UVSSA: variants seen among roughly 807,000 people sequenced by gnomAD.
UVSSA encodes the protein UV stimulated scaffold protein A.
UVSSA carries 72 observed loss-of-function variants against 73.9 expected under a neutral mutation model. That is an observed-to-expected ratio of 0.97 (90% confidence interval 0.81 to 1.19). The LOEUF (loss-of-function observed/expected upper bound fraction) is 1.19. Among genes scored for constraint, UVSSA ranks in the 50% most tolerant of loss-of-function variants. The pLI is 0.00. For missense variants in UVSSA, 1,150 were observed against 965.0 expected, an observed-to-expected ratio of 1.19 and a Z score of -2.54; for synonymous variants, 454 against 391.3, an observed-to-expected ratio of 1.16 and a Z score of -1.89.
exon 14 of UVSSA, chr4:1,394,355 A>T: frequency 1.6e-6 from 2 of 1,282,274 alleles, no homozygotes; most frequent in Admixed American, 2.6e-5. Context: ...CTTAAAGATT[A>T]TATTTGAAAT....
At chr4:1,385,813 G>A in intron 13 of UVSSA, 55 bp from the exon 14 acceptor site, 1 of 1,594,170 alleles carries the variant, frequency 6.3e-7, no homozygotes, top group Non-Finnish European at 8.6e-7. Flanking sequence ...GCCACTGGGA[G>A]CCCAGGCCCC....
chr4:1,352,258 AG>A (rs1714889738), intron 4 of UVSSA, among the ~76,000 whole-genome samples: 1 of 152,094 alleles, frequency 6.6e-6, no homozygotes, highest in Non-Finnish European at 1.5e-5. Context: ...GAGTGTGAGG[AG>A]GGGGTGCCAC....
At chr4:1,384,023 T>A in intron 13 of UVSSA, 83 bp downstream of exon 13, 4 of 1,453,966 alleles carry the variant, frequency 2.8e-6, no homozygotes, top group Non-Finnish European at 3.6e-6. Flanking sequence ...AGCGCCAAGA[T>A]ATTCCAGGGA....
rs567924510 is a variant in UVSSA at position 1,376,096 on chromosome 4, C to T, written c.1496C>T (p.Ala499Val). Residue 499 changes from alanine to valine, a missense_variant, in exon 10 of 14, where the codon GCG (alanine) becomes GTG (valine). By Grantham distance (64) the Ala-to-Val change is moderately conservative. Transcript: ENST00000389851. ...AQKLAAERARAPVVPYGVDLH... is the reference protein window; with the variant it reads ...AQKLAAERARVPVVPYGVDLH... ...AAGCTGGCAGCAGAGCGGGCCCGGG[C>T]GCCTGTGGTGCCCTACGGCGTGGAC... The T allele has an allele frequency of 1.8e-4, 287 of 1,604,402 alleles. 3 individuals are homozygous for T. In the South Asian group the frequency reaches 2.9e-3, roughly 16 times the overall value.
chr4:1,346,908 C>T (rs1713766252), upstream of UVSSA, among the ~76,000 whole-genome samples: 1 of 152,392 alleles, frequency 6.6e-6, no homozygotes, highest in Non-Finnish European at 1.5e-5. Context: ...CCCCGGCAGC[C>T]TGCCTCGCCC....
chr4:1,352,958 AGT>A (rs1469901502), intron 4 of UVSSA, 70 bp from the exon 5 acceptor site: 1 of 1,536,238 alleles, frequency 6.5e-7, no homozygotes, highest in African/African-American at 1.4e-5. Context: ...TGGGCCTCTG[AGT>A]GTGGTTTTGA....
chr4:1,375,592 CT>C, intron 9 of UVSSA, 84 bp downstream of exon 9: 2 of 1,527,810 alleles, frequency 1.3e-6, no homozygotes, highest in Non-Finnish European at 1.8e-6. Context: ...CCTCGAGAGG[CT>C]GCTTAGTGCC....
chr4:1,351,763 G>A lies in UVSSA; in HGVS notation c.478G>A (p.Glu160Lys). Residue 160 changes from glutamate (E) to lysine (K), a missense_variant, in exon 4 of 14, where the codon GAA (glutamate) becomes AAA (lysine). Glu to Lys is a moderately conservative substitution (Grantham distance 56). Coordinates refer to ENST00000389851, the MANE Select transcript of UVSSA (RefSeq NM_020894.4). Reference protein sequence around the residue: ...NARSLAERKREEEKQKHLDKI... With the variant: ...NARSLAERKRKEEKQKHLDKI... ...TCGGAGTCTGGCAGAAAGGAAGAGAGAAGAGGAGAAGCAGAAGCACTTGGA... is the reference window on the plus strand; with the variant it reads ...TCGGAGTCTGGCAGAAAGGAAGAGAAAAGAGGAGAAGCAGAAGCACTTGGA... 6.2e-7 allele frequency: 1 copy of A among 1,613,730 alleles called. No individual in the cohort carries two copies. The highest frequency in any genetic ancestry group is 8.5e-7 in the Non-Finnish European group (1 of 1,179,880).
chr4:1,353,987 C>G (rs990603514), intron 5 of UVSSA, among the ~76,000 whole-genome samples: 3 of 152,252 alleles, frequency 2.0e-5, no homozygotes, highest in African/African-American at 7.2e-5. Flanking sequence ...CTGCTGCCCC[C>G]CTGGGGTGTG....
chr4:1,344,470 G>C (rs1457236193), upstream of UVSSA, among the ~76,000 whole-genome samples: 1 of 152,110 alleles, frequency 6.6e-6, no homozygotes. Flanking sequence ...AGAATCATTT[G>C]AACCTGGGAG....
intron 12 of UVSSA, among the ~76,000 whole-genome samples, chr4:1,381,908 C>G (rs907122465): frequency 1.3e-5 from 2 of 152,152 alleles, no homozygotes; most frequent in Admixed American, 6.5e-5. Flanking sequence ...CCTGCATTCT[C>G]CTGTCTCACC....
chr4:1,344,895 T>C (rs1713562083), upstream of UVSSA, among the ~76,000 whole-genome samples: 1 of 152,070 alleles, frequency 6.6e-6, no homozygotes, highest in Admixed American at 6.5e-5. Flanking sequence ...AGGAACTCTG[T>C]GGATACTGGC....
chr4:1,343,787 C>CA (rs531287406), upstream of UVSSA, among the ~76,000 whole-genome samples: 89 of 144,058 alleles, frequency 6.2e-4, 2 homozygotes, highest in South Asian at 2.4e-3. Context: ...AACTCCGTCT[C>CA]AAAAAAAAAA....
chr4:1,390,594 T>C (rs1291430690), downstream of UVSSA: 2 of 152,264 alleles, frequency 1.3e-5, no homozygotes, highest in African/African-American at 2.4e-5. Flanking sequence ...TGTTACTGAT[T>C]TCTTATTTCA....
intron 11 of UVSSA, 37 bp downstream of exon 11, chr4:1,380,267 C>G: frequency 3.1e-6 from 5 of 1,588,738 alleles, no homozygotes; most frequent in Non-Finnish European, 4.3e-6. Context: ...TGGGTGTGGG[C>G]TGGACCAGGT....
chr4:1,380,807 G>T, intron 11 of UVSSA, 73 bp from the exon 12 acceptor site: 1 of 1,592,676 alleles, frequency 6.3e-7, no homozygotes. Flanking sequence ...TGCCCAAGTC[G>T]TGGTGGTGGG....
intron 7 of UVSSA, among the ~76,000 whole-genome samples, chr4:1,360,863 G>A (rs1306201209): frequency 6.6e-6 from 1 of 152,232 alleles, no homozygotes; most frequent in African/African-American, 2.4e-5. Flanking sequence ...TAAAGTCTGC[G>A]TGACCCCTGG....
upstream of UVSSA, among the ~76,000 whole-genome samples, chr4:1,344,780 G>T (rs1260985473): frequency 2.6e-5 from 4 of 152,222 alleles, no homozygotes; most frequent in Non-Finnish European, 5.9e-5. Context: ...CTGGGAACAA[G>T]CACGGCAGGT....
At chr4:1,347,933 C>T in intron 1 of UVSSA, 157 bp from the exon 2 acceptor site, 2 of 651,780 alleles carry the variant, frequency 3.1e-6, no homozygotes, top group Non-Finnish European at 5.4e-6. Flanking sequence ...CCTTGCTGGA[C>T]ACACATATTT....
Sources: gnomAD v4.1 joint callset for allele counts (sites outside exome capture counted in the v4.1 genomes callset) on GRCh38, gnomAD v4.1.1 for gene constraint, MANE v1.5 for transcripts, NCBI Gene and HGNC (gene_info 2026-07-23, HGNC 2026-07-21) for gene names.